The following BUD13 variants were observed in gnomAD, a reference collection of about 807,000 sequenced individuals.
BUD13 encodes BUD13 spliceosome associated protein, also known as BUD13 homolog.
In BUD13, 47 loss-of-function variants were observed where a neutral mutation model predicts 62.5. That is an observed-to-expected ratio of 0.75 (90% confidence interval 0.60 to 0.96). The LOEUF (loss-of-function observed/expected upper bound fraction) is 0.96, where lower values mean the gene tolerates loss of function less well. Ranked by LOEUF, BUD13 falls within the 40% of genes least tolerant of loss-of-function variation. BUD13 has a pLI of 0.00. For synonymous variants in BUD13, 293 were observed against 280.1 expected, an observed-to-expected ratio of 1.05 and a Z score of -0.46; for missense variants, 821 against 790.9, an observed-to-expected ratio of 1.04 and a Z score of -0.46.
intron 4 of BUD13, among the ~76,000 whole-genome samples, chr11:116,762,352 G>A (rs774007910): frequency 4.6e-5 from 7 of 152,086 alleles, no homozygotes; most frequent in Non-Finnish European, 1.0e-4. Context: ...ACTTTTATAT[G>A]GGGTGGAGCG....
chr11:116,758,240 C>A, intron 7 of BUD13, 29 bp downstream of exon 7: 1 of 1,611,778 alleles, frequency 6.2e-7, no homozygotes, highest in East Asian at 2.2e-5. Flanking sequence ...TCACTGCCAT[C>A]TTGTTTACCC....
In BUD13 at chr11:116,762,201, T is replaced by TA. The variant is rs547121556; in HGVS notation, c.1036+351dup. Among the ~76,000 whole-genome samples, 47 of 152,216 alleles carry TA rather than the reference T, an allele frequency of 3.1e-4. No individual in the cohort carries two copies. The South Asian group carries it at 9.1e-3, about 30-fold the overall frequency. On this transcript the variant is annotated intron_variant, in intron 4 of 9. Coordinates refer to ENST00000260210, the MANE Select transcript of BUD13 (RefSeq NM_032725.4). ...TCTACACAGCCAGAGCTCAACTATA[T>TA]AAAAAATGCAAACCAAAAAAGACTA...
chr11:116,749,045 G>A (rs898461173), intron 9 of BUD13, among the ~76,000 whole-genome samples: 7 of 151,172 alleles, frequency 4.6e-5, no homozygotes, highest in Admixed American at 3.3e-4. Flanking sequence ...TAAGGCATAT[G>A]CAATAGAATC....
chr11:116,754,031 C>T (rs1940284839), intron 9 of BUD13, among the ~76,000 whole-genome samples: 2 of 152,132 alleles, frequency 1.3e-5, no homozygotes, highest in Admixed American at 1.3e-4. Flanking sequence ...ATAAAACACA[C>T]CTTAACAAAT....
intron 2 of BUD13, among the ~76,000 whole-genome samples, chr11:116,768,939 C>G (rs1278748365): frequency 2.7e-5 from 4 of 148,504 alleles, no homozygotes; most frequent in African/African-American, 1.0e-4. Flanking sequence ...GGTGTGAACC[C>G]AGGAGGCAGA....
intron 1 of BUD13, among the ~76,000 whole-genome samples, chr11:116,770,773 C>T (rs1229836729): frequency 6.7e-6 from 1 of 150,078 alleles, no homozygotes; most frequent in Non-Finnish European, 1.5e-5. Flanking sequence ...GGATTATAGG[C>T]GTGAGCCACC....
At chr11:116,759,572 T>C (rs1488963807) in intron 5 of BUD13, among the ~76,000 whole-genome samples, 1 of 152,098 alleles carries the variant, frequency 6.6e-6, no homozygotes, top group African/African-American at 2.4e-5. Flanking sequence ...AAACCTAAGA[T>C]CCTTAAATTG....
At chr11:116,765,490 C>G in intron 2 of BUD13, 44 bp from the exon 3 acceptor site, 1 of 1,605,930 alleles carries the variant, frequency 6.2e-7, no homozygotes, top group Non-Finnish European at 8.5e-7. Context: ...CCACAGGATC[C>G]AGCCAAGAAG....
chr11:116,771,370 C>T (rs568167050), intron 1 of BUD13, among the ~76,000 whole-genome samples: 87 of 152,218 alleles, frequency 5.7e-4, no homozygotes, highest in African/African-American at 2.1e-3. Context: ...CCTACAGTAA[C>T]TGGAATACGA....
chr11:116,760,704 A>G lies in BUD13; in HGVS notation c.1254+31T>C, dbSNP rs1163594325. ...AAGCTGAGAGAGAAGAGTCACACGA[A>G]AAGAAGGACATGGCTCCTGAAAATC... On this transcript the variant is annotated intron_variant, in intron 5 of 9. Transcript: ENST00000260210. The G allele has an allele frequency of 1.9e-6, 3 of 1,607,398 alleles. No individual in the cohort carries two copies. In the South Asian group the frequency reaches 3.3e-5, roughly 18 times the overall value.
At chr11:116,764,347 G>A (rs561568537) in intron 3 of BUD13, among the ~76,000 whole-genome samples, 1 of 152,336 alleles carries the variant, frequency 6.6e-6, no homozygotes, top group South Asian at 2.1e-4. Flanking sequence ...AGCCCTATCT[G>A]ATTGGAATCC....
intron 9 of BUD13, 84 bp from the exon 10 acceptor site, chr11:116,748,659 A>C: frequency 6.1e-6 from 8 of 1,311,690 alleles, no homozygotes; most frequent in Non-Finnish European, 6.6e-6. Context: ...TCACAATATA[A>C]TGAAAAGGGG....
In BUD13 at chr11:116,757,880, G is replaced by C. The variant is rs766421240; in HGVS notation, c.1570C>G (p.Arg524Gly). The C allele has an allele frequency of 1.9e-6, 3 of 1,613,938 alleles. No individual in the cohort carries two copies. The highest frequency in any genetic ancestry group is 2.5e-6 in the Non-Finnish European group (3 of 1,180,022). ...AMKEMQKPLA[R>G]YIDDEDLDRM... ...TCCAGATCTTCGTCATCAATATAGCGGGCCAGAGGCTTTTGCATCTCTTTC... is the reference window on the plus strand; with the variant it reads ...TCCAGATCTTCGTCATCAATATAGCCGGCCAGAGGCTTTTGCATCTCTTTC... Residue 524 changes from arginine (R) to glycine (G), a missense_variant, in exon 8 of 10, where the codon CGC becomes GGC. By Grantham distance (125) the Arg-to-Gly change is moderately radical. Around this residue, in one of 2 missense-constraint regions of BUD13, gnomAD observed 800 missense variants for 739.2 expected, o/e 1.08. Transcript: ENST00000260210.
At chr11:116,766,203 T>C (rs183257103) in intron 2 of BUD13, among the ~76,000 whole-genome samples, 101 of 152,360 alleles carry the variant, frequency 6.6e-4, no homozygotes, top group Middle Eastern at 3.4e-3. Flanking sequence ...CTTTCAAGAT[T>C]GCTGGCATAA....
intron 9 of BUD13, among the ~76,000 whole-genome samples, chr11:116,752,151 T>C (rs577226901): frequency 3.9e-5 from 6 of 152,260 alleles, no homozygotes; most frequent in Admixed American, 3.3e-4. Context: ...TTTCACCATG[T>C]TAGCCAGGAT....
At chr11:116,757,699 T>C (rs1940354026) in intron 8 of BUD13, 67 bp downstream of exon 8, 2 of 1,446,486 alleles carry the variant, frequency 1.4e-6, no homozygotes, top group Non-Finnish European at 1.9e-6. Context: ...CATATAGCTA[T>C]GTATCAGCAT....
chr11:116,765,711 T>C (rs1940520191), intron 2 of BUD13, among the ~76,000 whole-genome samples: 1 of 152,236 alleles, frequency 6.6e-6, no homozygotes, highest in Non-Finnish European at 1.5e-5. Flanking sequence ...CAAACCTTTT[T>C]ATTAACCTGC....
intron 9 of BUD13, among the ~76,000 whole-genome samples, chr11:116,754,712 A>G (rs1278318146): frequency 1.3e-5 from 2 of 152,216 alleles, no homozygotes; most frequent in East Asian, 1.9e-4. Flanking sequence ...CACTACTTCT[A>G]TTCAACATCT....
At chr11:116,758,583 CTTTT>C (rs397687372) in intron 6 of BUD13, among the ~76,000 whole-genome samples, 176 bp from the exon 7 acceptor site, 49 of 116,616 alleles carry the variant, frequency 4.2e-4, no homozygotes, top group African/African-American at 1.3e-4. Context: ...TGGCATTTTC[CTTTT>C]TTTTTTTTTT....
Sources: gnomAD v4.1 joint callset for allele counts (sites outside exome capture counted in the v4.1 genomes callset) on GRCh38, gnomAD v4.1.1 for gene constraint, gnomAD v4.1.1 regional missense constraint, MANE v1.5 for transcripts, NCBI Gene and HGNC (gene_info 2026-07-23, HGNC 2026-07-21) for gene names.